The following DEK variants were observed in gnomAD, a reference collection of about 807,000 sequenced individuals.
DEK encodes DEK proto-oncogene, also known as protein DEK.
A neutral mutation model predicts 46.8 loss-of-function variants in DEK; 28 were observed. That is an observed-to-expected ratio of 0.60 (90% confidence interval 0.44 to 0.82). DEK has a LOEUF of 0.82. DEK is among the 40% of genes least tolerant of loss of function. The probability of loss-of-function intolerance (pLI) is 0.00; values close to 1 mark genes in which losing one functional copy is unlikely to be tolerated. For synonymous variants in DEK, 160 were observed against 144.5 expected, an observed-to-expected ratio of 1.11 and a Z score of -0.77; for missense variants, 416 against 430.6, an observed-to-expected ratio of 0.97 and a Z score of 0.30.
intron 9 of DEK, among the ~76,000 whole-genome samples, chr6:18,230,989 T>A (rs1790392217): frequency 2.0e-5 from 3 of 151,858 alleles, no homozygotes; most frequent in African/African-American, 7.3e-5. Context: ...AAAGCACTCC[T>A]CAGCAAATGT....
intron 2 of DEK, 39 bp downstream of exon 2, chr6:18,263,804 G>A: frequency 4.3e-6 from 7 of 1,610,458 alleles, no homozygotes; most frequent in Non-Finnish European, 5.1e-6. Context: ...AAAAACTTCG[G>A]TCTGAAAAAT....
At chr6:18,253,100 C>A (rs1422189688) in intron 6 of DEK, among the ~76,000 whole-genome samples, 1 of 151,930 alleles carries the variant, frequency 6.6e-6, no homozygotes, top group Non-Finnish European at 1.5e-5. Context: ...CATAGAACCC[C>A]ACATTTTTTT....
intron 4 of DEK, among the ~76,000 whole-genome samples, chr6:18,257,554 T>C (rs1010615670): frequency 1.3e-5 from 2 of 151,540 alleles, no homozygotes; most frequent in African/African-American, 4.9e-5. Flanking sequence ...CTACAAAAAG[T>C]AAAACAATTA....
At chr6:18,259,041 A>G (rs1791723140) in intron 2 of DEK, among the ~76,000 whole-genome samples, 1 of 152,060 alleles carries the variant, frequency 6.6e-6, no homozygotes, top group African/African-American at 2.4e-5. Flanking sequence ...TTAGTCACAA[A>G]AATCTACGGT....
intron 6 of DEK, among the ~76,000 whole-genome samples, chr6:18,250,414 A>C (rs536568900): frequency 6.6e-6 from 1 of 152,200 alleles, no homozygotes; most frequent in Non-Finnish European, 1.5e-5. Context: ...GTTTGCAGTG[A>C]GCCGAGATCG....
At chr6:18,254,495 A>G (rs574258459) in intron 6 of DEK, among the ~76,000 whole-genome samples, 2 of 151,570 alleles carry the variant, frequency 1.3e-5, no homozygotes, top group African/African-American at 4.9e-5. Flanking sequence ...TTTCCTAGAA[A>G]ATATTATTTT....
At chr6:18,251,951 C>T (rs530143667) in intron 6 of DEK, among the ~76,000 whole-genome samples, 1 of 151,772 alleles carries the variant, frequency 6.6e-6, no homozygotes, top group East Asian at 1.9e-4. Flanking sequence ...CAAAAGTAAA[C>T]GAGGAGTTTT....
intron 7 of DEK, among the ~76,000 whole-genome samples, chr6:18,238,064 T>C (rs1790741381): frequency 6.6e-6 from 1 of 151,890 alleles, no homozygotes; most frequent in Non-Finnish European, 1.5e-5. Context: ...AGATGAGGTT[T>C]TGCCATGTTG....
intron 7 of DEK, among the ~76,000 whole-genome samples, chr6:18,241,915 A>C (rs1205076465): frequency 6.6e-6 from 1 of 152,236 alleles, no homozygotes; most frequent in African/African-American, 2.4e-5. Flanking sequence ...AACCAGACAA[A>C]GCAATCAACA....
intron 2 of DEK, among the ~76,000 whole-genome samples, chr6:18,262,607 A>AAATAT (rs1561995226): frequency 3.9e-5 from 6 of 152,152 alleles, no homozygotes; most frequent in Non-Finnish European, 8.8e-5. Context: ...TGACTTCTCT[A>AAATAT]ATTTTTTCCT....
intron 2 of DEK, among the ~76,000 whole-genome samples, chr6:18,260,379 T>C (rs1453041498): frequency 1.3e-5 from 2 of 152,198 alleles, no homozygotes; most frequent in African/African-American, 4.8e-5. Context: ...GAGCCAACAG[T>C]ATATGCCTGT....
intron 2 of DEK, among the ~76,000 whole-genome samples, chr6:18,262,294 C>CAA (rs528582239): frequency 0.021 from 2,247 of 108,482 alleles, 57 homozygotes; most frequent in African/African-American, 0.07. Flanking sequence ...TATAGTAACG[C>CAA]AAAAAAAAAA....
chr6:18,260,533 A>T (rs1791810303), intron 2 of DEK, among the ~76,000 whole-genome samples: 1 of 152,218 alleles, frequency 6.6e-6, no homozygotes, highest in Admixed American at 6.5e-5. Context: ...CCTGCCAAAG[A>T]CAGAAACCTA....
At chr6:18,242,761 A>G (rs1723252132) in intron 7 of DEK, among the ~76,000 whole-genome samples, 1 of 152,236 alleles carries the variant, frequency 6.6e-6, no homozygotes, top group African/African-American at 2.4e-5. Context: ...AACATGCCAA[A>G]GAGAAGCCAT....
chr6:18,257,831 T>C, intron 4 of DEK, 122 bp downstream of exon 4: 1 of 579,264 alleles, frequency 1.7e-6, no homozygotes, highest in Non-Finnish European at 2.9e-6. Context: ...TTAATAAGTA[T>C]ATACCTCAGT....
intron 7 of DEK, among the ~76,000 whole-genome samples, chr6:18,248,509 T>C (rs1791223092): frequency 2.6e-5 from 4 of 152,156 alleles, no homozygotes; most frequent in Admixed American, 2.6e-4. Flanking sequence ...AGATTACTTA[T>C]TTTCCTTTGT....
intron 9 of DEK, among the ~76,000 whole-genome samples, chr6:18,229,209 T>A (rs1395620317): frequency 6.6e-6 from 1 of 152,036 alleles, no homozygotes; most frequent in Admixed American, 6.6e-5. Context: ...AAAAAGAACA[T>A]CCACACCAAA....
chr6:18,228,512 G>C (rs981970865), intron 9 of DEK, among the ~76,000 whole-genome samples: 1 of 151,966 alleles, frequency 6.6e-6, no homozygotes, highest in Non-Finnish European at 1.5e-5. Context: ...ACTGGGGCTT[G>C]TCGGACGGTG....
At chr6:18,243,559 T>A (rs528743893) in intron 7 of DEK, among the ~76,000 whole-genome samples, 8 of 152,286 alleles carry the variant, frequency 5.3e-5, no homozygotes, top group Admixed American at 2.6e-4. Flanking sequence ...GCCTTCCCTG[T>A]TCCTTATCTT....
Sources: gnomAD v4.1 joint callset for allele counts (sites outside exome capture counted in the v4.1 genomes callset) on GRCh38, gnomAD v4.1.1 for gene constraint, MANE v1.5 for transcripts, NCBI Gene and HGNC (gene_info 2026-07-23, HGNC 2026-07-21) for gene names.